Variants in WDFY3 observed in about 807,000 individuals in gnomAD.
The protein encoded by WDFY3 is WD repeat and FYVE domain containing 3, also known as WD repeat and FYVE domain-containing protein 3.
In WDFY3, 66 loss-of-function variants were observed where a neutral mutation model predicts 409.6. That is an observed-to-expected ratio of 0.16 (90% CI 0.13 to 0.20). The LOEUF (loss-of-function observed/expected upper bound fraction) is 0.20. WDFY3 is among the 10% of genes least tolerant of loss of function. WDFY3 has a pLI of 1.00. For synonymous variants in WDFY3, 1,521 were observed against 1,537.1 expected (o/e 0.99, Z 0.25); for missense variants, 3,031 against 4,298.1 (o/e 0.71, Z 8.24).
rs151159930 is a variant in WDFY3 at position 84,677,377 on chromosome 4, C to T, written c.10279G>A (p.Val3427Ile). Residue 3427 changes from valine (V) to isoleucine (I), a missense_variant, in exon 67 of 68, where the codon GTT (valine) becomes ATT (isoleucine). Transcript: ENST00000295888. ...AAAACTCGGCCTCGACTGTCACCAACGAGGATCCTACTGTGATCCCTGCAG... is the reference window on the plus strand; with the variant it reads ...AAAACTCGGCCTCGACTGTCACCAATGAGGATCCTACTGTGATCCCTGCAG... ...GISKDHSRIL[V>I]GDSRGRVFSW... 20 of 1,612,836 alleles carry T rather than the reference C, an allele frequency of 1.2e-5. No individual in the cohort carries two copies. Among genetic ancestry groups the T allele is most frequent in the South Asian group, 2.2e-5 (2 of 90,918 alleles).
chr4:84,802,538 G>A (rs1750784995), intron 16 of WDFY3, among the ~76,000 whole-genome samples: 1 of 152,108 alleles, frequency 6.6e-6, no homozygotes, highest in Non-Finnish European at 1.5e-5. Flanking sequence ...AAAGTGCTGG[G>A]ATTACAGGCG....
intron 62 of WDFY3, among the ~76,000 whole-genome samples, chr4:84,687,349 G>A (rs1358820331): frequency 6.6e-6 from 1 of 151,956 alleles, no homozygotes; most frequent in Non-Finnish European, 1.5e-5. Context: ...CACCATGTTG[G>A]CCAGGCTGGT....
At chr4:84,765,164 T>C (rs1319826653) in intron 32 of WDFY3, among the ~76,000 whole-genome samples, 2 of 152,200 alleles carry the variant, frequency 1.3e-5, no homozygotes, top group Non-Finnish European at 2.9e-5. Context: ...TATCTTCAAA[T>C]ATATATTTTC....
intron 67 of WDFY3, 132 bp from the exon 68 acceptor site, chr4:84,673,123 G>C (rs1454855332): frequency 2.6e-6 from 3 of 1,137,516 alleles, no homozygotes; most frequent in Non-Finnish European, 3.7e-6. Context: ...TTGTGTGGCT[G>C]AACAAGGACT....
At chr4:84,713,273 G>T in intron 50 of WDFY3, 34 bp from the exon 51 acceptor site, 3 of 1,582,650 alleles carry the variant, frequency 1.9e-6, no homozygotes, top group Non-Finnish European at 2.6e-6. Context: ...AATTACAAGT[G>T]AAGTCTCAGT....
chr4:84,937,944 G>A (rs1259832211), intron 1 of WDFY3, among the ~76,000 whole-genome samples: 1 of 152,022 alleles, frequency 6.6e-6, no homozygotes, highest in African/African-American at 2.4e-5. Flanking sequence ...TTTTCCCCAT[G>A]CATATATACC....
At chr4:84,706,270 A>C (rs1286405685) in intron 53 of WDFY3, among the ~76,000 whole-genome samples, 1 of 152,160 alleles carries the variant, frequency 6.6e-6, no homozygotes, top group African/African-American at 2.4e-5. Context: ...TTATTTTTAA[A>C]AATCTTGGGC....
At chr4:84,778,781 T>A in intron 26 of WDFY3, 126 bp from the exon 27 acceptor site, 5 of 785,362 alleles carry the variant, frequency 6.4e-6, no homozygotes, top group African/African-American at 1.8e-5. Context: ...ACACACAGAA[T>A]CCTATGTAGA....
intron 56 of WDFY3, among the ~76,000 whole-genome samples, chr4:84,698,892 T>C (rs1730593849): frequency 6.6e-6 from 1 of 152,130 alleles, no homozygotes; most frequent in African/African-American, 2.4e-5. Context: ...TTCACCATGT[T>C]AGCCAGGCTG....
chr4:84,888,539 AATG>A (rs1422648272), intron 3 of WDFY3, among the ~76,000 whole-genome samples: 23 of 152,324 alleles, frequency 1.5e-4, no homozygotes, highest in African/African-American at 4.8e-4. Context: ...TATTTTCCAA[AATG>A]ATGACTTTTG....
At position 84,684,021 on chromosome 4, in the gene WDFY3, G is replaced by A. The variant is rs1483380765; in HGVS notation, c.9648C>T (p.Ile3216=). ...CGTTCATCTCCGACATGCAGCAGCA[G>A]ATGATCTGCTGGCTCCTACCTGTGA... ...NTFTGRSQQI[I]CCCMSEMNEW... Residue 3216 remains isoleucine (I), a synonymous_variant, in exon 63 of 68, where the codon ATC becomes ATT. Transcript: ENST00000295888. The A allele has an allele frequency of 6.2e-7, 1 of 1,613,858 alleles. No homozygotes were observed. Among genetic ancestry groups the A allele is most frequent in the South Asian group, 1.1e-5 (1 of 91,056 alleles).
Position 84,709,174 on chromosome 4 carries a change from T to A in WDFY3, c.8097+119A>T, listed in dbSNP as rs1379988205. On this transcript the variant is annotated intron_variant, in intron 52 of 67. Transcript: ENST00000295888. ...GAAATACTTTTTTTTCTAAAAAGAA[T>A]GAAAATAAAACATTTTCTCTATGGT... 7.0e-6 allele frequency: 10 copies of A among 1,419,940 alleles called. No homozygotes were observed. In the African/African-American group the frequency reaches 1.2e-4, roughly 17 times the overall value. The allele number at this position is 1,419,940 out of a possible 1,614,324, so 88.0% of individuals were successfully genotyped here. A position where few individuals can be genotyped will look rare whatever the true frequency, so the allele number is the denominator to read the frequency against.
chr4:84,822,738 A>G (rs1338807308), intron 10 of WDFY3, among the ~76,000 whole-genome samples: 1 of 152,094 alleles, frequency 6.6e-6, no homozygotes, highest in Admixed American at 6.6e-5. Flanking sequence ...ACAAACAAAA[A>G]AGAATGCTCA....
At chr4:84,711,192 C>T (rs1266179859) in intron 51 of WDFY3, among the ~76,000 whole-genome samples, 2 of 152,280 alleles carry the variant, frequency 1.3e-5, no homozygotes, top group East Asian at 3.9e-4. Flanking sequence ...TCTACAGATT[C>T]TTGAAATGGC....
At chr4:84,679,372 A>G (rs1726931705) in intron 64 of WDFY3, 130 bp from the exon 65 acceptor site, 1 of 952,160 alleles carries the variant, frequency 1.1e-6, no homozygotes, top group Non-Finnish European at 1.4e-6. Flanking sequence ...AAGTGTAACA[A>G]AAAAGAAAGT....
chr4:84,711,671 T>G (rs923599444), intron 51 of WDFY3, among the ~76,000 whole-genome samples: 2 of 151,808 alleles, frequency 1.3e-5, no homozygotes, highest in Non-Finnish European at 2.9e-5. Flanking sequence ...GCCAATATGG[T>G]GAAACCCCAT....
At chr4:84,718,166 C>G (rs111823308) in intron 48 of WDFY3, among the ~76,000 whole-genome samples, 20,567 of 148,006 alleles carry the variant, frequency 0.14, 2,022 homozygotes, top group African/African-American at 0.28. Context: ...TAAATATATA[C>G]ATTATAATAT....
chr4:84,699,838 T>C (rs1730788799), intron 56 of WDFY3, among the ~76,000 whole-genome samples: 1 of 152,062 alleles, frequency 6.6e-6, no homozygotes, highest in Non-Finnish European at 1.5e-5. Context: ...ATGAGTTTAC[T>C]GGCCATCTGT....
chr4:84,794,506 A>G lies in WDFY3; in HGVS notation c.3487+13T>C, dbSNP rs760205383. 2.5e-6 allele frequency: 4 copies of G among 1,605,544 alleles called. No individual in the cohort carries two copies. Among genetic ancestry groups the G allele is most frequent in the Non-Finnish European group, 3.4e-6 (4 of 1,177,612 alleles). ...TCTATAATCAAAAGAAGAAAACAAA[A>G]AAAAATACTGACCATAATTTTGGAG... On this transcript the variant is annotated intron_variant, in intron 21 of 67. Transcript: ENST00000295888.
Sources: allele counts gnomAD v4.1 joint callset (sites outside exome capture counted in the v4.1 genomes callset), GRCh38; gene constraint gnomAD v4.1.1; transcripts MANE v1.5; gene names NCBI Gene and HGNC (gene_info 2026-07-23, HGNC 2026-07-21).